Variants in COL5A1 observed in about 807,000 individuals in gnomAD.
COL5A1 encodes the protein collagen type V alpha 1 chain.
Under a neutral mutation model 263.7 loss-of-function variants are expected in COL5A1, and 16 were observed. The observed-to-expected ratio is 0.06, with a 90% CI of 0.04 to 0.09. The LOEUF (loss-of-function observed/expected upper bound fraction) is 0.09. Ranked by LOEUF, COL5A1 falls within the 10% of genes least tolerant of loss-of-function variation. The pLI is 1.00. For missense variants in COL5A1, 2,036 were observed against 2,540.5 expected, an observed-to-expected ratio of 0.80 and a Z score of 4.27; for synonymous variants, 1,012 against 1,004.5, an observed-to-expected ratio of 1.01 and a Z score of -0.14.
chr9:134,763,787 C>T (rs375900233), intron 20 of COL5A1, 50 bp downstream of exon 20: 1 of 1,571,276 alleles, frequency 6.4e-7, no homozygotes, highest in African/African-American at 1.4e-5. Flanking sequence ...TGGAGAAAGG[C>T]TTTGTCCAAG....
intron 4 of COL5A1, among the ~76,000 whole-genome samples, chr9:134,704,783 A>G (rs1194992637): frequency 1.6e-5 from 2 of 124,818 alleles, no homozygotes; most frequent in African/African-American, 2.7e-5. Flanking sequence ...AGCTGCCCCA[A>G]GCATCTTTTC....
At chr9:134,822,881 AG>A in intron 59 of COL5A1, 116 bp from the exon 60 acceptor site, 1 of 1,138,584 alleles carries the variant, frequency 8.8e-7, no homozygotes, top group South Asian at 1.3e-5. Context: ...TAGACTCTTG[AG>A]GGGGATGCGG....
At chr9:134,828,842 C>T (rs1241866447) in intron 63 of COL5A1, among the ~76,000 whole-genome samples, 1 of 150,778 alleles carries the variant, frequency 6.6e-6, no homozygotes. Flanking sequence ...CACACAGATA[C>T]ACCCATAACA....
At position 134,765,618 on chromosome 9, in the gene COL5A1, G is replaced by T. The variant is rs1317682221; in HGVS notation, c.2035-63G>T. The T allele has an allele frequency of 1.4e-6, 2 of 1,470,446 alleles. No homozygotes were observed. The highest frequency in any genetic ancestry group is 1.9e-6 in the Non-Finnish European group (2 of 1,049,756). The allele number at this position is 1,470,446 out of a possible 1,614,324, so 91.1% of individuals were successfully genotyped here. ...GAGTCAGGGCCAAGTGGGCATAGGG[G>T]ACAGAGAGGAGGGCTGGGATTTCTG... On this transcript the variant is annotated intron_variant, in intron 20 of 65. Transcript: ENST00000371817. This position sits in a 1 kb window ranked among gnomAD's most constrained non-coding sequence, Gnocchi z 5.1.
chr9:134,824,395 C>G (rs377665837), intron 61 of COL5A1, among the ~76,000 whole-genome samples: 6 of 152,200 alleles, frequency 3.9e-5, no homozygotes, highest in East Asian at 3.9e-4. Flanking sequence ...TGGCAAGCAC[C>G]TGGCAGTGGG....
At chr9:134,744,936 C>T (rs1835456565) in intron 11 of COL5A1, among the ~76,000 whole-genome samples, 1 of 152,272 alleles carries the variant, frequency 6.6e-6, no homozygotes, top group Admixed American at 6.5e-5. Context: ...CGTGCACACA[C>T]ATCTACATGC....
chr9:134,836,085 C>T (rs530290652), intron 65 of COL5A1, among the ~76,000 whole-genome samples: 6 of 152,310 alleles, frequency 3.9e-5, no homozygotes, highest in South Asian at 2.1e-4. Flanking sequence ...GAGAGACCTG[C>T]GGAAAGCAGC....
At chr9:134,674,701 C>A (rs746512434) in intron 1 of COL5A1, among the ~76,000 whole-genome samples, 1 of 152,120 alleles carries the variant, frequency 6.6e-6, no homozygotes, top group Non-Finnish European at 1.5e-5. Context: ...GCCTAGCCAA[C>A]GTGGCAAAAC....
rs779189580 is a variant in COL5A1 at position 134,830,165 on chromosome 9, C to CG, written c.5136+126dup. The CG allele has an allele frequency of 3.1e-6, 5 of 1,610,534 alleles. No individual in the cohort carries two copies. The South Asian group carries it at 4.4e-5, about 14-fold the overall frequency. Reference sequence around the variant, plus strand: ...TTCCACCTGGTATAGTCAGTACAAGCGGGGGTCCCTGGTAAGTGGCCACCT... The same window carrying CG: ...TTCCACCTGGTATAGTCAGTACAAGCGGGGGGTCCCTGGTAAGTGGCCACCT... On this transcript the variant is annotated intron_variant, in intron 64 of 65. Transcript: ENST00000371817.
Position 134,642,109 on chromosome 9 carries a change from C to G in COL5A1, c.-79C>G. 3 of 1,190,108 alleles carry G rather than the reference C, an allele frequency of 2.5e-6. No homozygotes were observed. Among genetic ancestry groups the G allele is most frequent in the East Asian group, 3.2e-5 (1 of 31,400 alleles). The allele number at this position is 1,190,108 out of a possible 1,614,324, so 73.7% of individuals were successfully genotyped here. On this transcript the variant is annotated 5_prime_UTR_variant, in exon 1 of 66. Coordinates refer to ENST00000371817, the MANE Select transcript of COL5A1 (RefSeq NM_000093.5). The surrounding 1 kb of genome is among the most constrained non-coding windows in gnomAD (Gnocchi z 4.5). Reference sequence around the variant, plus strand: ...GTGCGGTCCCTGCTGAGTGCGCTGCCCGGGCCGTGACCCGCGCCCCTGTGC... The same window carrying G: ...GTGCGGTCCCTGCTGAGTGCGCTGCGCGGGCCGTGACCCGCGCCCCTGTGC...
chr9:134,760,234 A>T (rs1253685130), intron 18 of COL5A1, among the ~76,000 whole-genome samples: 17 of 121,994 alleles, frequency 1.4e-4, no homozygotes, highest in East Asian at 5.8e-4. Context: ...ACATGCACAC[A>T]CACGCATACA....
Position 134,818,697 on chromosome 9 carries a change from C to G in COL5A1, c.4272C>G (p.Pro1424=). Residue 1424 remains proline (P), a synonymous_variant, in exon 55 of 66, where the codon CCC becomes CCG. Coordinates refer to ENST00000371817, the MANE Select transcript of COL5A1 (RefSeq NM_000093.5). The surrounding 1 kb of genome is among the most constrained non-coding windows in gnomAD (Gnocchi z 6.0). ...GLEGPPGKTG[P]IGPQGAPGKP... ...AAGGCCCTCCTGGGAAGACTGGCCCCATCGGCCCCCAGGGGGCCCCTGGGA... is the reference window on the plus strand; with the variant it reads ...AAGGCCCTCCTGGGAAGACTGGCCCGATCGGCCCCCAGGGGGCCCCTGGGA... 1 of 1,610,126 alleles carries G rather than the reference C, an allele frequency of 6.2e-7. No individual in the cohort carries two copies. The highest frequency in any genetic ancestry group is 8.5e-7 in the Non-Finnish European group (1 of 1,178,804).
intron 29 of COL5A1, 34 bp from the exon 30 acceptor site, chr9:134,784,955 G>GCA (rs376936600): frequency 8.0e-6 from 12 of 1,501,992 alleles, no homozygotes; most frequent in Non-Finnish European, 1.0e-5. Context: ...TGTGCGGGGG[G>GCA]TGGTCTTCTC....
At position 134,802,874 on chromosome 9, in the gene COL5A1, G is replaced by A. The variant is rs1838163235; in HGVS notation, c.3007-14G>A. On this transcript the variant is annotated splice_polypyrimidine_tract_variant and intron_variant, in intron 38 of 65. Coordinates refer to ENST00000371817, the MANE Select transcript of COL5A1 (RefSeq NM_000093.5). The stretch of plus-strand genomic sequence containing the variant: ...ACTCGAAACGTCTGTGGCTGACACT[G>A]ATTTTCCCCACAGGGTCCCACGGGA... 1 of 1,599,030 alleles carries A rather than the reference G, an allele frequency of 6.3e-7. No homozygotes were observed. Among genetic ancestry groups the A allele is most frequent in the East Asian group, 2.2e-5 (1 of 44,748 alleles).
At chr9:134,714,265 T>G (rs1588463391) in intron 4 of COL5A1, among the ~76,000 whole-genome samples, 1 of 151,672 alleles carries the variant, frequency 6.6e-6, no homozygotes, top group African/African-American at 2.4e-5. Context: ...ATGATGGTGG[T>G]GGTGGTGGCG....
chr9:134,752,781 GAGGGTGGCC>G (rs1396515547), intron 14 of COL5A1, 136 bp downstream of exon 14: 1 of 698,852 alleles, frequency 1.4e-6, no homozygotes, highest in Non-Finnish European at 2.5e-6. Context: ...CTGTTCCCAG[GAGGGTGGCC>G]AGGGGGACCA....
At chr9:134,763,768 G>C (rs776157244) in intron 20 of COL5A1, 31 bp downstream of exon 20, 2 of 1,606,872 alleles carry the variant, frequency 1.2e-6, no homozygotes, top group South Asian at 2.2e-5. Flanking sequence ...GGACGGTGGG[G>C]GCTCAGTGTG....
chr9:134,645,064 A>T (rs1031951737), intron 1 of COL5A1, among the ~76,000 whole-genome samples: 1 of 151,982 alleles, frequency 6.6e-6, no homozygotes, highest in Non-Finnish European at 1.5e-5. Context: ...TGTGGTCCAG[A>T]TTTGCCGGAG....
Position 134,652,960 on chromosome 9 carries a change from T to A in COL5A1, c.109+10664T>A. ...TGGAGCGTCTGGGGGTGCCACACTT[T>A]GCAAACCACGAGTCGTTCTGCGTCC... On this transcript the variant is annotated intron_variant, in intron 1 of 65. Transcript: ENST00000371817. This position sits in a 1 kb window ranked among gnomAD's most constrained non-coding sequence, Gnocchi z 4.4. 2 of 295,618 alleles carry A rather than the reference T, an allele frequency of 6.8e-6. No individual in the cohort carries two copies. Among genetic ancestry groups the A allele is most frequent in the South Asian group, 5.7e-5 (2 of 34,976 alleles). The allele number at this position is 295,618 out of a possible 1,614,324, so 18.3% of individuals were successfully genotyped here. A position where few individuals can be genotyped will look rare whatever the true frequency, so the allele number is the denominator to read the frequency against.
Sources: gnomAD v4.1 joint callset for allele counts (sites outside exome capture counted in the v4.1 genomes callset) on GRCh38, gnomAD v4.1.1 for gene constraint, Gnocchi (gnomAD v3.1) non-coding constraint, MANE v1.5 for transcripts, NCBI Gene and HGNC (gene_info 2026-07-23, HGNC 2026-07-21) for gene names.